SHANK2: variants seen among roughly 807,000 people sequenced by gnomAD.
SHANK2 encodes the protein SH3 and multiple ankyrin repeat domains protein 2.
In SHANK2, 43 loss-of-function variants were observed where a neutral mutation model predicts 133.7. The ratio of observed to expected loss-of-function variants is 0.32; its 90% CI spans 0.25 to 0.41. The LOEUF (loss-of-function observed/expected upper bound fraction) is 0.41, where lower values mean the gene tolerates loss of function less well. Among genes scored for constraint, SHANK2 ranks in the 10% least tolerant of loss-of-function variants. The pLI is 1.00. For synonymous variants in SHANK2, 1,017 were observed against 952.8 expected (o/e 1.07, Z -1.24); for missense variants, 1,994 against 2,235.8 (o/e 0.89, Z 2.18).
At position 71,184,472 on chromosome 11, in the gene SHANK2, T is replaced by G. The variant is rs114725741; in HGVS notation, c.-12-37134A>C. ...CCCTGAATGTCGGGGCTGGGTTCACTGATGGTTCAACAATACTGAAGCCCA... is the reference window on the plus strand; with the variant it reads ...CCCTGAATGTCGGGGCTGGGTTCACGGATGGTTCAACAATACTGAAGCCCA... On this transcript the variant is annotated intron_variant, in intron 2 of 25. Transcript: ENST00000601538. Among the ~76,000 whole-genome samples the G allele has an allele frequency of 7.6e-3, 1,156 of 152,272 alleles. 14 individuals are homozygous for G. The highest frequency in any genetic ancestry group is 0.026 in the African/African-American group (1,093 of 41,564).
intron 17 of SHANK2, among the ~76,000 whole-genome samples, chr11:70,590,539 A>G (rs1483927311): frequency 6.6e-6 from 1 of 152,218 alleles, no homozygotes; most frequent in Non-Finnish European, 1.5e-5. Context: ...AAATTGCCAC[A>G]GTCACCCCAG....
chr11:70,481,927 G>A (rs2058738234), intron 25 of SHANK2, among the ~76,000 whole-genome samples: 1 of 150,272 alleles, frequency 6.7e-6, no homozygotes, highest in Non-Finnish European at 1.5e-5. Flanking sequence ...CTCACGGCAA[G>A]GGGGACAGCT....
At chr11:70,792,291 TCAATCAAC>T (rs1340163142) in intron 14 of SHANK2, among the ~76,000 whole-genome samples, 8 of 88,372 alleles carry the variant, frequency 9.1e-5, no homozygotes, top group South Asian at 4.2e-4. Flanking sequence ...AGCCAAGCAA[TCAATCAAC>T]CAACCAACCA....
At position 71,129,652 on chromosome 11, in the gene SHANK2, A is replaced by G. The variant is rs566929740; in HGVS notation, c.208-10620T>C. The stretch of plus-strand genomic sequence containing the variant: ...GAGCAAGACCCTGACTCAAAACAAA[A>G]CAAAAGAAAAAATGGAGACAGTGAG... On this transcript the variant is annotated intron_variant, in intron 3 of 25. Transcript: ENST00000601538. Among the ~76,000 whole-genome samples, 24 of 152,200 alleles carry G rather than the reference A, an allele frequency of 1.6e-4. 2 individuals are homozygous for G. The South Asian group carries it at 5.0e-3, about 32-fold the overall frequency.
chr11:70,927,709 G>C (rs1950447976), intron 10 of SHANK2, among the ~76,000 whole-genome samples: 1 of 152,118 alleles, frequency 6.6e-6, no homozygotes, highest in South Asian at 2.1e-4. Context: ...AGAGTAAACT[G>C]TTATTTCTGG....
chr11:71,113,418 G>A, intron 4 of SHANK2, 54 bp from the exon 5 acceptor site: 2 of 1,500,648 alleles, frequency 1.3e-6, no homozygotes, highest in Non-Finnish European at 1.8e-6. Flanking sequence ...TCTCAGAGTT[G>A]TTCAGAGGGA....
intron 17 of SHANK2, among the ~76,000 whole-genome samples, chr11:70,620,702 C>A (rs917565432): frequency 1.3e-5 from 2 of 152,126 alleles, no homozygotes; most frequent in Non-Finnish European, 2.9e-5. Context: ...TCGGGTTATA[C>A]GAGGTCATAA....
intron 3 of SHANK2, 30 bp from the exon 4 acceptor site, chr11:71,119,062 G>A (rs1319992670): frequency 6.5e-7 from 1 of 1,546,288 alleles, no homozygotes; most frequent in Non-Finnish European, 8.8e-7. Context: ...CAGCTGATGA[G>A]TGACAGAGGA....
intron 6 of SHANK2, among the ~76,000 whole-genome samples, chr11:71,095,944 A>G (rs1204858688): frequency 7.3e-6 from 1 of 136,930 alleles, no homozygotes; most frequent in Non-Finnish European, 1.6e-5. Flanking sequence ...ACATGCCAAC[A>G]TCTTCATTCA....
At chr11:70,608,210 C>A (rs1554993092) in intron 17 of SHANK2, among the ~76,000 whole-genome samples, 1 of 152,168 alleles carries the variant, frequency 6.6e-6, no homozygotes, top group East Asian at 1.9e-4. Context: ...TGAGCTCAAG[C>A]GATCTCCCTG....
At chr11:71,214,655 C>A (rs982034893) in intron 2 of SHANK2, among the ~76,000 whole-genome samples, 121 of 152,304 alleles carry the variant, frequency 7.9e-4, no homozygotes, top group African/African-American at 2.8e-3. Context: ...GGAGTCAGGC[C>A]AAGGGGGCAT....
intron 17 of SHANK2, among the ~76,000 whole-genome samples, chr11:70,526,654 T>C (rs2059401364): frequency 1.3e-5 from 2 of 152,264 alleles, no homozygotes; most frequent in Non-Finnish European, 2.9e-5. Flanking sequence ...CCAGAGGCTA[T>C]GCTTCCCAGC....
At chr11:70,902,543 A>T (rs537471592) in intron 10 of SHANK2, among the ~76,000 whole-genome samples, 1 of 152,332 alleles carries the variant, frequency 6.6e-6, no homozygotes, top group Admixed American at 6.5e-5. Flanking sequence ...CAGAGCTAGC[A>T]TCACTTTCTG....
At chr11:70,727,202 C>T (rs150515767) in intron 14 of SHANK2, among the ~76,000 whole-genome samples, 67 of 152,354 alleles carry the variant, frequency 4.4e-4, no homozygotes, top group Admixed American at 3.1e-3. Flanking sequence ...GCCTCTGGCA[C>T]GGAGCAGTTG....
rs546032514 is a variant in SHANK2 at position 70,691,306 on chromosome 11, G to A, written c.1853+7382C>T. Among the ~76,000 whole-genome samples the A allele has an allele frequency of 5.6e-3, 850 of 152,272 alleles. 6 individuals are homozygous for A. The highest frequency in any genetic ancestry group is 0.018 in the African/African-American group (750 of 41,550). Reference sequence around the variant, plus strand: ...TTGACCCTTGTGATGGACTAAAGGAGGGAAGGAGGGAGAAAGGCAAGGGAG... The same window carrying A: ...TTGACCCTTGTGATGGACTAAAGGAAGGAAGGAGGGAGAAAGGCAAGGGAG... On this transcript the variant is annotated intron_variant, in intron 15 of 25. Transcript: ENST00000601538.
intron 14 of SHANK2, among the ~76,000 whole-genome samples, chr11:70,762,069 C>T (rs1021727331): frequency 6.6e-6 from 1 of 152,206 alleles, no homozygotes; most frequent in African/African-American, 2.4e-5. Flanking sequence ...TTTTGCAGCG[C>T]CCCAGAGATT....
chr11:71,115,629 G>A (rs1036276734), intron 4 of SHANK2, among the ~76,000 whole-genome samples: 4 of 152,132 alleles, frequency 2.6e-5, no homozygotes, highest in Non-Finnish European at 5.9e-5. Flanking sequence ...ACCACTCCCG[G>A]ACATCACTAC....
chr11:71,198,193 C>T (rs1953946657), intron 2 of SHANK2, among the ~76,000 whole-genome samples: 1 of 152,184 alleles, frequency 6.6e-6, no homozygotes, highest in Non-Finnish European at 1.5e-5. Context: ...AAGAGATCCT[C>T]TCGCCTCAGC....
intron 9 of SHANK2, among the ~76,000 whole-genome samples, chr11:71,065,132 C>G (rs1023778500): frequency 4.6e-5 from 7 of 152,116 alleles, no homozygotes; most frequent in Admixed American, 4.6e-4. Context: ...TTTGAGCAAG[C>G]AGGGGTGAAA....
Sources: gnomAD v4.1 joint callset for allele counts (sites outside exome capture counted in the v4.1 genomes callset) on GRCh38, gnomAD v4.1.1 for gene constraint, MANE v1.5 for transcripts, NCBI Gene and HGNC (gene_info 2026-07-23, HGNC 2026-07-21) for gene names.